GRIA1: variants seen among roughly 807,000 people sequenced by gnomAD.
GRIA1 encodes glutamate receptor 1.
GRIA1 carries 31 observed loss-of-function variants against 99.2 expected under a neutral mutation model. The observed-to-expected ratio is 0.31, with a 90% CI of 0.23 to 0.42. The LOEUF (loss-of-function observed/expected upper bound fraction) is 0.42, where lower values mean the gene tolerates loss of function less well. Ranked by LOEUF, GRIA1 falls within the 10% of genes least tolerant of loss-of-function variation. The probability of loss-of-function intolerance (pLI) is 1.00; values close to 1 mark genes in which losing one functional copy is unlikely to be tolerated. For missense variants in GRIA1, 782 were observed against 1,157.5 expected (o/e 0.68, Z 4.71); for synonymous variants, 438 against 432.4 (o/e 1.01, Z -0.16).
intron 4 of GRIA1, among the ~76,000 whole-genome samples, chr5:153,655,009 G>T (rs1053946015): frequency 2.3e-4 from 35 of 152,152 alleles, no homozygotes; most frequent in African/African-American, 8.4e-4. Flanking sequence ...GGATAAAAGG[G>T]TATTCATTGA....
chr5:153,589,890 G>A (rs930088247), intron 2 of GRIA1, among the ~76,000 whole-genome samples: 5 of 152,138 alleles, frequency 3.3e-5, no homozygotes, highest in South Asian at 2.1e-4. Flanking sequence ...TTCACGCAGC[G>A]CACAGTAGTT....
At chr5:153,692,585 A>C (rs1318470168) in intron 8 of GRIA1, among the ~76,000 whole-genome samples, 2 of 152,182 alleles carry the variant, frequency 1.3e-5, no homozygotes. Flanking sequence ...GGCAACACAG[A>C]CTATATGATC....
chr5:153,716,029 T>G (rs1001212043), intron 11 of GRIA1, among the ~76,000 whole-genome samples: 2 of 152,180 alleles, frequency 1.3e-5, no homozygotes, highest in South Asian at 4.1e-4. Flanking sequence ...GAAAATAAAG[T>G]TACCTTGTCA....
chr5:153,577,151 TGGTTGGA>T (rs1456408103), intron 2 of GRIA1, among the ~76,000 whole-genome samples: 8 of 78,642 alleles, frequency 1.0e-4, no homozygotes, highest in Admixed American at 3.4e-4. Context: ...GATGGATGGA[TGGTTGGA>T]TGGATGGATG....
At chr5:153,802,281 T>C (rs1190989618) in intron 14 of GRIA1, 75 bp from the exon 15 acceptor site, 10 of 1,330,106 alleles carry the variant, frequency 7.5e-6, no homozygotes, top group Non-Finnish European at 9.7e-6. Context: ...AATATGCTGC[T>C]GCTTGGATGG....
intron 11 of GRIA1, among the ~76,000 whole-genome samples, chr5:153,756,642 C>T (rs763389785): frequency 2.6e-5 from 4 of 152,280 alleles, no homozygotes; most frequent in Middle Eastern, 3.4e-3. Flanking sequence ...CTCCAGTACC[C>T]GCCTTGACTC....
intron 13 of GRIA1, among the ~76,000 whole-genome samples, chr5:153,792,794 C>CAG (rs372379523): frequency 4.8e-4 from 73 of 151,040 alleles, no homozygotes; most frequent in South Asian, 2.1e-4. Flanking sequence ...GAGAGAAAGA[C>CAG]AGAGAGAGAG....
At chr5:153,786,222 T>C (rs190674630) in intron 13 of GRIA1, among the ~76,000 whole-genome samples, 2 of 152,252 alleles carry the variant, frequency 1.3e-5, no homozygotes, top group Admixed American at 1.3e-4. Context: ...GTGTTGATGT[T>C]CTAGCATAGC....
At chr5:153,588,240 C>G (rs1245665850) in intron 2 of GRIA1, among the ~76,000 whole-genome samples, 1 of 152,162 alleles carries the variant, frequency 6.6e-6, no homozygotes, top group Non-Finnish European at 1.5e-5. Flanking sequence ...TTTGCACTCC[C>G]TCTATAATAC....
At chr5:153,527,001 T>C (rs1223620337) in intron 2 of GRIA1, among the ~76,000 whole-genome samples, 1 of 152,210 alleles carries the variant, frequency 6.6e-6, no homozygotes, top group Non-Finnish European at 1.5e-5. Context: ...TGGTGGGTGC[T>C]CAGGGTTGTT....
intron 2 of GRIA1, among the ~76,000 whole-genome samples, chr5:153,539,570 C>T (rs1481741979): frequency 6.6e-6 from 1 of 152,172 alleles, no homozygotes; most frequent in Non-Finnish European, 1.5e-5. Flanking sequence ...CCTTCTTGTA[C>T]CTCAATTTGT....
intron 2 of GRIA1, among the ~76,000 whole-genome samples, chr5:153,507,985 C>G (rs959174109): frequency 6.6e-6 from 1 of 152,224 alleles, no homozygotes; most frequent in African/African-American, 2.4e-5. Context: ...AGCACCCACT[C>G]TCTACTAAAC....
chr5:153,638,815 A>T (rs1215603597), intron 2 of GRIA1, among the ~76,000 whole-genome samples: 2 of 152,224 alleles, frequency 1.3e-5, no homozygotes, highest in Admixed American at 1.3e-4. Context: ...CATTTAAAAG[A>T]TGGGTGGAGA....
chr5:153,573,723 AC>A (rs1436223832), intron 2 of GRIA1, among the ~76,000 whole-genome samples: 1 of 152,194 alleles, frequency 6.6e-6, no homozygotes, highest in Non-Finnish European at 1.5e-5. Flanking sequence ...GGTGAATAAG[AC>A]ACATTTTCTG....
chr5:153,586,980 A>G (rs1763542007), intron 2 of GRIA1, among the ~76,000 whole-genome samples: 1 of 152,092 alleles, frequency 6.6e-6, no homozygotes, highest in South Asian at 2.1e-4. Context: ...GGGCTTTTTT[A>G]AGCTCTAGGT....
At chr5:153,563,192 C>A (rs12520227) in intron 2 of GRIA1, among the ~76,000 whole-genome samples, 19,607 of 149,404 alleles carry the variant, frequency 0.13, 1,445 homozygotes, top group South Asian at 0.25. Context: ...AAAAAAAAAA[C>A]CTTCTTGCTT....
chr5:153,657,376 A>G (rs1334434170), intron 5 of GRIA1, among the ~76,000 whole-genome samples: 4 of 152,204 alleles, frequency 2.6e-5, no homozygotes, highest in South Asian at 2.1e-4. Context: ...TCTACAGTTT[A>G]TTATCCTGTT....
chr5:153,513,147 A>C (rs1581156414), intron 2 of GRIA1, among the ~76,000 whole-genome samples: 1 of 152,282 alleles, frequency 6.6e-6, no homozygotes, highest in South Asian at 2.1e-4. Flanking sequence ...GCTGACTAAC[A>C]CCACTGGTAA....
chr5:153,758,774 A>G (rs1283083060), intron 11 of GRIA1, among the ~76,000 whole-genome samples: 1 of 152,024 alleles, frequency 6.6e-6, no homozygotes, highest in Non-Finnish European at 1.5e-5. Context: ...GTTATTTGCA[A>G]CAGAACATAG....
Sources: allele counts gnomAD v4.1 joint callset (sites outside exome capture counted in the v4.1 genomes callset), GRCh38; gene constraint gnomAD v4.1.1; transcripts MANE v1.5; gene names NCBI Gene and HGNC (gene_info 2026-07-23, HGNC 2026-07-21).